VMA21: variants seen among roughly 807,000 people sequenced by gnomAD.
VMA21 encodes vacuolar ATPase assembly integral membrane protein VMA21.
For missense variants in VMA21, 61 were observed against 80.6 expected (o/e 0.76, Z 0.93); for synonymous variants, 47 against 34.1 (o/e 1.38, Z -1.32).
At chrX:151,398,619 T>A (rs1181443568) in intron 1 of VMA21, among the ~76,000 whole-genome samples, 1 of 111,661 alleles carries the variant, frequency 9.0e-6, no homozygotes, top group Admixed American at 9.5e-5. Context: ...ATTATTCATT[T>A]ATGAGAATAC....
upstream of VMA21, chrX:151,397,105 GCTGCGGCGCGCCGCGCCGCGCCGCGC>G (rs1230274761): frequency 5.8e-6 from 2 of 346,045 alleles, no homozygotes; most frequent in African/African-American, 5.8e-5. Flanking sequence ...GCCCTGCGTC[GCTGCGGCGCGCCGCGCCGCGCCGCGC>G]CTGCGTACTG....
intron 1 of VMA21, among the ~76,000 whole-genome samples, chrX:151,397,757 T>C (rs994372712): frequency 2.7e-5 from 3 of 111,979 alleles, no homozygotes; most frequent in African/African-American, 9.8e-5. Flanking sequence ...GCTGTATGAA[T>C]GAAGGAGTAG....
At position 151,402,707 on chromosome X, in the gene VMA21, G is replaced by A. The variant is rs779217622; in HGVS notation, c.54-924G>A. 2.7e-5 allele frequency among the ~76,000 whole-genome samples: 3 copies of A among 112,975 alleles called. No individual in the cohort carries two copies. The East Asian group carries it at 8.4e-4, about 32-fold the overall frequency. On this transcript the variant is annotated intron_variant, in intron 1 of 2. Coordinates refer to ENST00000330374, the MANE Select transcript of VMA21 (RefSeq NM_001017980.4). ...GAGGGCGCACTGGTCCGTTCGCCCTGCCTACCTCCTTCAGTGGTCTGGTGT... is the reference window on the plus strand; with the variant it reads ...GAGGGCGCACTGGTCCGTTCGCCCTACCTACCTCCTTCAGTGGTCTGGTGT...
At position 151,408,702 on chromosome X, in the gene VMA21, TA is replaced by T. The variant is rs2011321624; in HGVS notation, c.*3649del. 8.9e-6 allele frequency: 1 copy of T among 112,762 alleles called. No individual in the cohort carries two copies. The highest frequency in any genetic ancestry group is 2.8e-4 in the East Asian group (1 of 3,598). 9.3% of individuals were successfully genotyped at this position (112,762 alleles called of 1,213,427 possible). On this transcript the variant is annotated 3_prime_UTR_variant, in exon 3 of 3. Coordinates refer to ENST00000330374, the MANE Select transcript of VMA21 (RefSeq NM_001017980.4). Reference sequence around the variant, plus strand: ...CCTTTTCAGGGGGAAAGGGTCACCTTAAAAATAAATTATTTTCAGGGACTTT... The same window carrying T: ...CCTTTTCAGGGGGAAAGGGTCACCTTAAAATAAATTATTTTCAGGGACTTT...
intron 1 of VMA21, among the ~76,000 whole-genome samples, chrX:151,400,347 A>G (rs764558874): frequency 3.2e-4 from 8 of 25,085 alleles, no homozygotes; most frequent in East Asian, 2.7e-3. Flanking sequence ...TTTACTTAAC[A>G]TGTCTTCCAG....
Position 151,405,762 on chromosome X carries a change from T to G in VMA21, c.*704T>G, listed in dbSNP as rs1270583632. 1 of 112,181 alleles carries G rather than the reference T, an allele frequency of 8.9e-6. No homozygotes were observed. The highest frequency in any genetic ancestry group is 1.9e-5 in the Non-Finnish European group (1 of 53,267). 9.2% of individuals were successfully genotyped at this position (112,181 alleles called of 1,213,427 possible). On this transcript the variant is annotated 3_prime_UTR_variant, in exon 3 of 3. Coordinates refer to ENST00000330374, the MANE Select transcript of VMA21 (RefSeq NM_001017980.4). ...CCAGCTTTGTGCTTTGCAGACCAAC[T>G]TTTTAATGAGATACTTTGCTTCCTC...
chrX:151,399,658 C>T (rs1165638882), intron 1 of VMA21, among the ~76,000 whole-genome samples: 1 of 111,549 alleles, frequency 9.0e-6, no homozygotes, highest in Non-Finnish European at 1.9e-5. Context: ...TAAAAATTTA[C>T]TAGTAGGAAA....
intron 1 of VMA21, among the ~76,000 whole-genome samples, chrX:151,401,894 G>T (rs896666047): frequency 1.8e-5 from 2 of 110,444 alleles, no homozygotes; most frequent in African/African-American, 3.3e-5. Flanking sequence ...TTACAGGCAC[G>T]TGCCACCATG....
rs2011328488 is a variant in VMA21, at chrX:151,409,355, T to G, written c.*4297T>G. The G allele has an allele frequency of 8.9e-6, 1 of 112,171 alleles. No individual in the cohort carries two copies. Among genetic ancestry groups the G allele is most frequent in the African/African-American group, 3.2e-5 (1 of 30,826 alleles). The allele number at this position is 112,171 out of a possible 1,213,427, so 9.2% of individuals were successfully genotyped here. A position where few individuals can be genotyped will look rare whatever the true frequency, so the allele number is the denominator to read the frequency against. The stretch of plus-strand genomic sequence containing the variant: ...ATCTGATGTCATTAAAAAAAGTGTT[T>G]GTAGTGCTACTTTGCTGTGTCCTGA... On this transcript the variant is annotated 3_prime_UTR_variant, in exon 3 of 3. Coordinates refer to ENST00000330374, the MANE Select transcript of VMA21 (RefSeq NM_001017980.4).
In VMA21 at chrX:151,408,327, A is replaced by G. The variant is rs2011317259; in HGVS notation, c.*3269A>G. ...AGTTAGAATACCCAAGGAGACCACT[A>G]AAATCAGTTAAACAAGTAGGGTATA... On this transcript the variant is annotated 3_prime_UTR_variant, in exon 3 of 3. Transcript: ENST00000330374. The G allele has an allele frequency of 1.8e-5, 2 of 112,358 alleles. No homozygotes were observed. The highest frequency in any genetic ancestry group is 9.4e-5 in the Admixed American group (1 of 10,603). The allele number at this position is 112,358 out of a possible 1,213,427, so 9.3% of individuals were successfully genotyped here.
intron 1 of VMA21, among the ~76,000 whole-genome samples, chrX:151,403,164 G>A (rs944291292): frequency 2.7e-5 from 3 of 112,310 alleles, no homozygotes; most frequent in Admixed American, 9.3e-5. Context: ...CGGAAGCTCT[G>A]ATTCCAGCAA....
upstream of VMA21, chrX:151,396,777 C>T: frequency 2.2e-6 from 1 of 458,316 alleles, no homozygotes; most frequent in African/African-American, 2.4e-5. Context: ...TTGTCGTCGG[C>T]GGAATACGCT....
At chrX:151,398,186 T>G (rs180908517) in intron 1 of VMA21, among the ~76,000 whole-genome samples, 27 of 108,197 alleles carry the variant, frequency 2.5e-4, no homozygotes, top group South Asian at 8.4e-4. Flanking sequence ...TGTGAGTTTT[T>G]TTTTTTTTTT....
At position 151,409,195 on chromosome X, in the gene VMA21, A is replaced by G. The variant is rs1018180432; in HGVS notation, c.*4137A>G. The G allele has an allele frequency of 3.6e-5, 4 of 112,279 alleles. No individual in the cohort carries two copies. Among genetic ancestry groups the G allele is most frequent in the African/African-American group, 1.3e-4 (4 of 30,882 alleles). The allele number at this position is 112,279 out of a possible 1,213,427, so 9.3% of individuals were successfully genotyped here. A position where few individuals can be genotyped will look rare whatever the true frequency, so the allele number is the denominator to read the frequency against. ...TGTGCTGCATTTCAAGCCGTGTATA[A>G]TCATCAAAATGGGGGGCTTGAGTTC... is the stretch of plus-strand genomic sequence containing the variant. On this transcript the variant is annotated 3_prime_UTR_variant, in exon 3 of 3. Coordinates refer to ENST00000330374, the MANE Select transcript of VMA21 (RefSeq NM_001017980.4).
intron 2 of VMA21, among the ~76,000 whole-genome samples, chrX:151,404,037 G>A (rs1311010971): frequency 1.8e-5 from 2 of 109,069 alleles, no homozygotes; most frequent in South Asian, 8.1e-4. Flanking sequence ...GTCAGATAAC[G>A]GAAGGAAGAG....
intron 1 of VMA21, 24 bp downstream of exon 1, chrX:151,397,385 C>A: frequency 8.6e-7 from 1 of 1,157,641 alleles, no homozygotes; most frequent in Non-Finnish European, 1.1e-6. Context: ...GGGCCTGGAC[C>A]GCGAGGCGGA....
chrX:151,399,577 CTT>C (rs1452738219), intron 1 of VMA21, among the ~76,000 whole-genome samples: 2 of 111,573 alleles, frequency 1.8e-5, no homozygotes, highest in African/African-American at 3.3e-5. Context: ...ATTAGTGACT[CTT>C]TGTATTTTTT....
Position 151,397,286 on chromosome X carries a change from G to A in VMA21, c.-23G>A. ...GCCGAGCCCAGCTCCGCCGCCGAGC[G>A]CCTGTGCCGGCACGGCTACACCATG... On this transcript the variant is annotated 5_prime_UTR_variant, in exon 1 of 3. Coordinates refer to ENST00000330374, the MANE Select transcript of VMA21 (RefSeq NM_001017980.4). 1.7e-6 allele frequency: 2 copies of A among 1,154,652 alleles called. No individual in the cohort carries two copies. The highest frequency in any genetic ancestry group is 2.3e-6 in the Non-Finnish European group (2 of 869,411).
Position 151,405,091 on chromosome X carries a change from A to AT in VMA21, c.*39dup. The AT allele has an allele frequency of 8.3e-7, 1 of 1,199,448 alleles. No individual in the cohort carries two copies. The highest frequency in any genetic ancestry group is 3.0e-5 in the East Asian group (1 of 33,731). ...ATCACCTTTTTATAGCATTAAATTC[A>AT]TTTTTTAAAATGATAAATGCTGGAG... On this transcript the variant is annotated 3_prime_UTR_variant, in exon 3 of 3. Coordinates refer to ENST00000330374, the MANE Select transcript of VMA21 (RefSeq NM_001017980.4).
Sources: allele counts gnomAD v4.1 joint callset (sites outside exome capture counted in the v4.1 genomes callset), GRCh38; gene constraint gnomAD v4.1.1; transcripts MANE v1.5; gene names NCBI Gene and HGNC (gene_info 2026-07-23, HGNC 2026-07-21).